The following DTX2 variants were observed in gnomAD, a reference collection of about 807,000 sequenced individuals.
DTX2 encodes the protein probable E3 ubiquitin-protein ligase DTX2.
Under a neutral mutation model 55.3 loss-of-function variants are expected in DTX2, and 29 were observed. The ratio of observed to expected loss-of-function variants is 0.52; its 90% CI spans 0.39 to 0.71. DTX2 has a LOEUF of 0.71. Ranked by LOEUF, DTX2 falls within the 30% of genes least tolerant of loss-of-function variation. DTX2 has a pLI of 0.00. For missense variants in DTX2, 537 were observed against 822.5 expected, an observed-to-expected ratio of 0.65 and a Z score of 4.25; for synonymous variants, 276 against 340.4, an observed-to-expected ratio of 0.81 and a Z score of 2.08.
rs181043779 is a variant in DTX2, at chr7:76,502,472, C to A, written c.1389+16C>A. 1,089 of 1,608,850 alleles carry A rather than the reference C, an allele frequency of 6.8e-4. 1 individual carries two copies. In the African/African-American group the frequency reaches 0.012, roughly 18 times the overall value. ...CGGCAATAAGGTGCCCCCACTGGCC[C>A]AGGGCGGAGGCGGGTGGCCCGCCCC... On this transcript the variant is annotated intron_variant, in intron 8 of 10. Coordinates refer to ENST00000430490, the MANE Select transcript of DTX2 (RefSeq NM_001102594.3).
Position 76,505,865 on chromosome 7 carries a change from C to G in DTX2, c.*264C>G. On this transcript the variant is annotated 3_prime_UTR_variant, in exon 11 of 11. Transcript: ENST00000430490. This position sits in a 1 kb window ranked among gnomAD's most constrained non-coding sequence, Gnocchi z 4.4. ...GGGCCCGTCTGTCCTCTGGGGGCTG[C>G]TTCGGGCCCGCGGTGCTCGGGGCCT... is the stretch of plus-strand genomic sequence containing the variant. 1 of 583,292 alleles carries G rather than the reference C, an allele frequency of 1.7e-6. No homozygotes were observed. The highest frequency in any genetic ancestry group is 3.1e-6 in the Non-Finnish European group (1 of 325,382). 36.1% of individuals were successfully genotyped at this position (583,292 alleles called of 1,614,324 possible). A position where few individuals can be genotyped will look rare whatever the true frequency, so the allele number is the denominator to read the frequency against.
At chr7:76,498,950 G>A (rs1329161135) in intron 6 of DTX2, among the ~76,000 whole-genome samples, 7 of 60,252 alleles carry the variant, frequency 1.2e-4, no homozygotes, top group Admixed American at 7.7e-4. Flanking sequence ...ATGGAGGTGG[G>A]TGTGTGGGGT....
At chr7:76,501,331 C>T (rs1563755613) in intron 7 of DTX2, 2 of 455,238 alleles carry the variant, frequency 4.4e-6, no homozygotes, top group South Asian at 3.1e-5. Context: ...ACGTCCTCCT[C>T]ATGTGTCCCA....
intron 2 of DTX2, among the ~76,000 whole-genome samples, chr7:76,474,004 C>T (rs1488933386): frequency 5.1e-5 from 7 of 136,412 alleles, no homozygotes; most frequent in Non-Finnish European, 7.9e-5. Context: ...TCACTGCAAC[C>T]TCCACCTCCC....
At position 76,505,090 on chromosome 7, in the gene DTX2, A is replaced by G. The variant is rs528660943; in HGVS notation, c.1642-284A>G. 6.6e-6 allele frequency among the ~76,000 whole-genome samples: 1 copy of G among 151,974 alleles called. No homozygotes were observed. The highest frequency in any genetic ancestry group is 2.1e-4 in the South Asian group (1 of 4,814). The stretch of plus-strand genomic sequence containing the variant: ...GGCGCTCGTCCAGCAACGGCTGTGG[A>G]AGCAGGGAGGACTCGAGCATGGTGC... On this transcript the variant is annotated intron_variant, in intron 10 of 10. Coordinates refer to ENST00000430490, the MANE Select transcript of DTX2 (RefSeq NM_001102594.3). This position sits in a 1 kb window ranked among gnomAD's most constrained non-coding sequence, Gnocchi z 4.4.
chr7:76,502,399 G>A lies in DTX2; in HGVS notation c.1332G>A (p.Lys444=), dbSNP rs1411158413. The A allele has an allele frequency of 3.1e-6, 5 of 1,612,654 alleles. No individual in the cohort carries two copies. The highest frequency in any genetic ancestry group is 2.7e-5 in the African/African-American group (2 of 74,942). ...IGSLAVGHLT[K]CSHAFHLLCL... ...CCCTAGCTGTGGGCCACCTCACCAA[G>A]TGCAGCCATGCCTTCCACCTGCTGT... is the stretch of plus-strand genomic sequence containing the variant. The change falls in exon 8 of 11, where the codon AAG becomes AAA. Residue 444 remains lysine, a synonymous_variant. Transcript: ENST00000430490.
At chr7:76,495,700 G>A (rs973517218) in intron 5 of DTX2, among the ~76,000 whole-genome samples, 6 of 151,288 alleles carry the variant, frequency 4.0e-5, no homozygotes, top group South Asian at 2.1e-4. Flanking sequence ...ATGCAGCTAC[G>A]GGTGGGACCT....
intron 2 of DTX2, among the ~76,000 whole-genome samples, chr7:76,471,519 G>T (rs1807918904): frequency 2.0e-5 from 3 of 149,620 alleles, no homozygotes; most frequent in African/African-American, 7.6e-5. Context: ...GCGGGTTCCT[G>T]CTTGGCTGTT....
rs78477239 is a variant in DTX2, at chr7:76,487,930, G to A, written c.909-4223G>A. Among the ~76,000 whole-genome samples, 1,072 of 128,372 alleles carry A rather than the reference G, an allele frequency of 8.4e-3. 169 individuals are homozygous for A. The highest frequency in any genetic ancestry group is 0.025 in the East Asian group (110 of 4,366). 84.2% of individuals were successfully genotyped at this position (128,372 alleles called of 152,430 possible). A position where few individuals can be genotyped will look rare whatever the true frequency, so the allele number is the denominator to read the frequency against. ...AGAAGGACACTTCAGGGGGCAGTTG[G>A]TGCCCCCATCTGGGAACGTTCTGCA... On this transcript the variant is annotated intron_variant, in intron 4 of 10. Coordinates refer to ENST00000430490, the MANE Select transcript of DTX2 (RefSeq NM_001102594.3).
rs939553511 is a variant in DTX2 at position 76,464,964 on chromosome 7, G to C, written c.-90+1255G>C. ...TTGTTTGTTTACTTTTTGAGACAGG[G>C]TCTTACTCTGTCACCCAGGCTGGAG... On this transcript the variant is annotated intron_variant, in intron 2 of 10. Coordinates refer to ENST00000430490, the MANE Select transcript of DTX2 (RefSeq NM_001102594.3). 2.7e-4 allele frequency among the ~76,000 whole-genome samples: 41 copies of C among 150,556 alleles called. 1 individual carries two copies. Among genetic ancestry groups the C allele is most frequent in the African/African-American group, 1.0e-3 (41 of 40,174 alleles).
chr7:76,484,004 C>T (rs1809621649), intron 4 of DTX2, among the ~76,000 whole-genome samples: 1 of 148,146 alleles, frequency 6.8e-6, no homozygotes, highest in Admixed American at 6.7e-5. Flanking sequence ...CAGCAGTGAG[C>T]TGTGATCGCA....
intron 2 of DTX2, among the ~76,000 whole-genome samples, chr7:76,471,310 C>T (rs550352074): frequency 1.3e-3 from 190 of 147,528 alleles, no homozygotes; most frequent in Middle Eastern, 3.5e-3. Flanking sequence ...TACAGGCACC[C>T]GCCACCGCGC....
chr7:76,498,961 G>C (rs1811293472), intron 6 of DTX2, among the ~76,000 whole-genome samples: 1 of 53,550 alleles, frequency 1.9e-5, no homozygotes. Flanking sequence ...TGTGTGGGGT[G>C]TATGGAGGTG....
chr7:76,474,181 T>TTTTTC (rs369804097), intron 2 of DTX2, among the ~76,000 whole-genome samples: 1 of 146,702 alleles, frequency 6.8e-6, no homozygotes, highest in African/African-American at 2.6e-5. Context: ...GCCTACTTTT[T>TTTTTC]TTTTTCTTTT....
At chr7:76,480,862 C>T (rs1226894402) in intron 3 of DTX2, 85 bp downstream of exon 3, 30 of 1,440,734 alleles carry the variant, frequency 2.1e-5, no homozygotes, top group Non-Finnish European at 2.8e-5. Flanking sequence ...GGGTGATGGA[C>T]GTGACTTACA....
Position 76,492,168 on chromosome 7 carries a change from C to A in DTX2, c.924C>A (p.Ser308Arg). 7.9e-7 allele frequency: 1 copy of A among 1,265,468 alleles called. No homozygotes were observed. The highest frequency in any genetic ancestry group is 1.1e-6 in the Non-Finnish European group (1 of 927,876). The allele number at this position is 1,265,468 out of a possible 1,614,324, so 78.4% of individuals were successfully genotyped here. A position where few individuals can be genotyped will look rare whatever the true frequency, so the allele number is the denominator to read the frequency against. Residue 308 changes from serine (S) to arginine (R), a missense_variant, in exon 5 of 11, where the codon AGC becomes AGA. Physicochemically the swap from Ser to Arg is moderately radical, Grantham distance 110 (BLOSUM62 -1). Around this residue, in one of 7 missense-constraint regions of DTX2, gnomAD observed 18 missense variants for 65.0 expected, o/e 0.28. Transcript: ENST00000430490. ...TSGAVSASLPSGPSSSPGSVP... is the reference protein window; with the variant it reads ...TSGAVSASLPRGPSSSPGSVP... ...TCTCCCCCAGTGCCTCCCTCCCCAG[C>A]GGTCCCTCAAGCAGCCCAGGGAGCG...
intron 2 of DTX2, among the ~76,000 whole-genome samples, chr7:76,469,999 C>T (rs1359806429): frequency 9.9e-5 from 14 of 142,008 alleles, no homozygotes; most frequent in Non-Finnish European, 6.1e-5. Flanking sequence ...TAAACCTTTA[C>T]CTGGTAGCCA....
intron 6 of DTX2, chr7:76,500,119 C>G (rs1376751280): frequency 2.9e-6 from 1 of 345,432 alleles, no homozygotes; most frequent in Non-Finnish European, 5.7e-6. Flanking sequence ...CTCAGAAGCG[C>G]CGGGGTCGGT....
At chr7:76,475,354 T>C (rs1185869735) in intron 2 of DTX2, among the ~76,000 whole-genome samples, 2 of 151,284 alleles carry the variant, frequency 1.3e-5, no homozygotes, top group Admixed American at 6.6e-5. Flanking sequence ...TAAAAAGTTA[T>C]ATGACTATTT....
Sources: gnomAD v4.1 joint callset for allele counts (sites outside exome capture counted in the v4.1 genomes callset) on GRCh38, gnomAD v4.1.1 for gene constraint, gnomAD v4.1.1 regional missense constraint, Gnocchi (gnomAD v3.1) non-coding constraint, MANE v1.5 for transcripts, NCBI Gene and HGNC (gene_info 2026-07-23, HGNC 2026-07-21) for gene names.